The following GUCY2F variants were observed in gnomAD, a reference collection of about 807,000 sequenced individuals.
GUCY2F encodes the protein retinal guanylyl cyclase 2.
Under a neutral mutation model 73.1 loss-of-function variants are expected in GUCY2F, and 61 were observed. That is an observed-to-expected ratio of 0.83 (90% CI 0.68 to 1.03). The LOEUF is 1.03. Ranked by LOEUF, GUCY2F falls within the 50% of genes least tolerant of loss-of-function variation. The pLI is 0.00. For missense variants in GUCY2F, 912 were observed against 854.3 expected, an observed-to-expected ratio of 1.07 and a Z score of -0.84; for synonymous variants, 331 against 307.8, an observed-to-expected ratio of 1.08 and a Z score of -0.79.
At chrX:109,455,403 A>G (rs1436862957) in intron 3 of GUCY2F, among the ~76,000 whole-genome samples, 4 of 111,804 alleles carry the variant, frequency 3.6e-5, no homozygotes, top group Non-Finnish European at 7.5e-5. Context: ...ATCTTACTTT[A>G]TAAGTAAGAA....
At chrX:109,373,341 G>T (rs941836619) in intron 19 of GUCY2F, among the ~76,000 whole-genome samples, 7 of 111,664 alleles carry the variant, frequency 6.3e-5, no homozygotes, top group African/African-American at 2.3e-4. Context: ...AGTGCTATAT[G>T]TGTGGTGGTC....
At chrX:109,391,264 T>A (rs1930554025) in intron 14 of GUCY2F, among the ~76,000 whole-genome samples, 2 of 111,209 alleles carry the variant, frequency 1.8e-5, no homozygotes, top group East Asian at 5.7e-4. Context: ...AGAGTGAAAA[T>A]TCAAAGGCTG....
chrX:109,466,505 C>T (rs1932472815), intron 2 of GUCY2F, among the ~76,000 whole-genome samples: 2 of 111,376 alleles, frequency 1.8e-5, no homozygotes, highest in East Asian at 2.8e-4. Flanking sequence ...AAGGGGGCCA[C>T]GGTTGAAAAA....
intron 6 of GUCY2F, among the ~76,000 whole-genome samples, chrX:109,444,629 T>C: frequency 8.9e-6 from 1 of 111,845 alleles, no homozygotes; most frequent in Non-Finnish European, 1.9e-5. Context: ...TTATACTGTT[T>C]CCTCTGCCTA....
At chrX:109,432,427 A>G (rs1355345649) in intron 7 of GUCY2F, among the ~76,000 whole-genome samples, 3 of 111,915 alleles carry the variant, frequency 2.7e-5, no homozygotes, top group African/African-American at 9.8e-5. Flanking sequence ...ATTAAGCTGA[A>G]AGAATAAAAC....
Position 109,431,677 on chromosome X carries a change from C to T in GUCY2F, c.1702-1281G>A, listed in dbSNP as rs779297985. 3.1e-5 allele frequency among the ~76,000 whole-genome samples: 3 copies of T among 98,278 alleles called. No homozygotes were observed. The East Asian group carries it at 1.0e-3, about 33-fold the overall frequency. The allele number at this position is 98,278 out of a possible 115,157, so 85.3% of individuals were successfully genotyped here. A position where few individuals can be genotyped will look rare whatever the true frequency, so the allele number is the denominator to read the frequency against. Reference sequence around the variant, plus strand: ...TGGCGCCACTGCACTCCAGCCTGAGCGACAGAGCTAGACTCTGTCTGGAAA... The same window carrying T: ...TGGCGCCACTGCACTCCAGCCTGAGTGACAGAGCTAGACTCTGTCTGGAAA... On this transcript the variant is annotated intron_variant, in intron 7 of 19. Transcript: ENST00000218006.
intron 7 of GUCY2F, among the ~76,000 whole-genome samples, chrX:109,438,801 C>G (rs1372746925): frequency 8.9e-6 from 1 of 112,760 alleles, no homozygotes. Context: ...TGTCCCAAAG[C>G]CCCACTAAGC....
chrX:109,387,557 T>C (rs751912959), intron 15 of GUCY2F, among the ~76,000 whole-genome samples: 10 of 111,764 alleles, frequency 8.9e-5, no homozygotes, highest in Non-Finnish European at 1.7e-4. Flanking sequence ...ACCACAGATA[T>C]GAATGAGATC....
chrX:109,479,215 G>T (rs1015125502), intron 1 of GUCY2F, among the ~76,000 whole-genome samples: 1 of 112,246 alleles, frequency 8.9e-6, no homozygotes, highest in Non-Finnish European at 1.9e-5. Context: ...GAAATCTTGA[G>T]GGTACACCCT....
chrX:109,413,343 A>G (rs983500581), intron 8 of GUCY2F, among the ~76,000 whole-genome samples: 6 of 111,858 alleles, frequency 5.4e-5, no homozygotes, highest in Non-Finnish European at 1.1e-4. Context: ...GCTACCATCA[A>G]ATGTTTAAGA....
At chrX:109,399,261 T>C (rs1930782753) in intron 10 of GUCY2F, among the ~76,000 whole-genome samples, 1 of 112,907 alleles carries the variant, frequency 8.9e-6, no homozygotes, top group Non-Finnish European at 1.9e-5. Flanking sequence ...TACCATGCCC[T>C]GTGCTAGGCA....
intron 8 of GUCY2F, among the ~76,000 whole-genome samples, chrX:109,411,348 TA>T (rs1931106344): frequency 9.1e-6 from 1 of 109,784 alleles, no homozygotes; most frequent in Non-Finnish European, 1.9e-5. Flanking sequence ...CCTCAGGCAG[TA>T]ATTTACTCAC....
intron 15 of GUCY2F, among the ~76,000 whole-genome samples, chrX:109,387,593 A>G (rs1448459356): frequency 8.9e-6 from 1 of 111,924 alleles, no homozygotes; most frequent in Non-Finnish European, 1.9e-5. Context: ...TAGGAGGAGA[A>G]AAACAGTGGA....
Position 109,388,664 on chromosome X carries a change from C to A in GUCY2F, c.2782-1G>T. 1.7e-6 allele frequency: 2 copies of A among 1,167,633 alleles called. No individual in the cohort carries two copies. The highest frequency in any genetic ancestry group is 2.2e-5 in the Admixed American group (1 of 45,397). On this transcript the variant is annotated splice_acceptor_variant, in intron 14 of 19. Transcript: ENST00000218006. LOFTEE classifies it high-confidence loss of function. Reference sequence around the variant, plus strand: ...TGTAGGCATCTCCAATGGTCTCTACCTGGGAATTAGGAAAAATAGAATTAG... The same window carrying A: ...TGTAGGCATCTCCAATGGTCTCTACATGGGAATTAGGAAAAATAGAATTAG...
At chrX:109,473,379 G>T (rs762270155) in intron 2 of GUCY2F, among the ~76,000 whole-genome samples, 26 of 111,696 alleles carry the variant, frequency 2.3e-4, no homozygotes, top group Non-Finnish European at 4.1e-4. Context: ...GGAACTTAAA[G>T]CAAGAAATAT....
intron 12 of GUCY2F, 76 bp from the exon 13 acceptor site, chrX:109,393,131 T>C (rs1383816423): frequency 1.8e-6 from 1 of 559,656 alleles, no homozygotes; most frequent in African/African-American, 2.3e-5. Context: ...GGTCCCCTTA[T>C]CACAAATCCA....
intron 17 of GUCY2F, among the ~76,000 whole-genome samples, chrX:109,377,164 T>C (rs755210669): frequency 9.0e-6 from 1 of 111,688 alleles, no homozygotes; most frequent in South Asian, 3.8e-4. Context: ...AATTAGCACA[T>C]TTAATTGGAG....
chrX:109,439,710 A>T (rs1020463502), intron 7 of GUCY2F, among the ~76,000 whole-genome samples: 1 of 112,178 alleles, frequency 8.9e-6, no homozygotes, highest in East Asian at 2.8e-4. Flanking sequence ...TAGAACATGG[A>T]CATAATTCAG....
chrX:109,405,131 G>T (rs184733421), intron 9 of GUCY2F, among the ~76,000 whole-genome samples: 1 of 112,016 alleles, frequency 8.9e-6, no homozygotes, highest in East Asian at 2.8e-4. Flanking sequence ...AGCTGACATA[G>T]AAACAACTCT....
Sources: gnomAD v4.1 joint callset for allele counts (sites outside exome capture counted in the v4.1 genomes callset) on GRCh38, gnomAD v4.1.1 for gene constraint, MANE v1.5 for transcripts, NCBI Gene and HGNC (gene_info 2026-07-23, HGNC 2026-07-21) for gene names.